The following EPB41L4A variants were observed in gnomAD, a reference collection of about 807,000 sequenced individuals.
The protein encoded by EPB41L4A is erythrocyte membrane protein band 4.1 like 4A, also known as band 4.1-like protein 4A.
Under a neutral mutation model 108.6 loss-of-function variants are expected in EPB41L4A, and 100 were observed. That is an observed-to-expected ratio of 0.92 (90% CI 0.78 to 1.09). The LOEUF is 1.09. Among genes scored for constraint, EPB41L4A ranks in the 50% least tolerant of loss-of-function variants. EPB41L4A has a pLI of 0.00. For missense variants in EPB41L4A, 1,030 were observed against 842.7 expected, an observed-to-expected ratio of 1.22 and a Z score of -2.75; for synonymous variants, 319 against 289.0, an observed-to-expected ratio of 1.10 and a Z score of -1.05.
intron 1 of EPB41L4A, among the ~76,000 whole-genome samples, chr5:112,405,296 A>G (rs925140754): frequency 5.9e-5 from 9 of 152,340 alleles, no homozygotes; most frequent in Middle Eastern, 3.4e-3. Flanking sequence ...CACCATCTCC[A>G]GATGACTGAC....
chr5:112,372,480 T>C (rs1386761577), intron 1 of EPB41L4A, among the ~76,000 whole-genome samples: 2 of 152,190 alleles, frequency 1.3e-5, no homozygotes, highest in Non-Finnish European at 2.9e-5. Context: ...CGGAAGGCTC[T>C]GTCTGAGAAG....
intron 17 of EPB41L4A, among the ~76,000 whole-genome samples, chr5:112,192,969 G>T (rs918356729): frequency 1.3e-5 from 2 of 152,168 alleles, no homozygotes; most frequent in African/African-American, 4.8e-5. Flanking sequence ...CAGAAATACT[G>T]AATTTTTTAT....
At chr5:112,375,501 G>A (rs375494100) in intron 1 of EPB41L4A, among the ~76,000 whole-genome samples, 2 of 151,738 alleles carry the variant, frequency 1.3e-5, no homozygotes, top group East Asian at 3.9e-4. Flanking sequence ...AATGAGAAAA[G>A]GCAACAGATT....
At position 112,166,132 on chromosome 5, in the gene EPB41L4A, T is replaced by G. The variant is rs1416177636; in HGVS notation, c.1933-1014A>C. Among the ~76,000 whole-genome samples the G allele has an allele frequency of 7.2e-5, 11 of 152,236 alleles. No individual in the cohort carries two copies. The East Asian group carries it at 2.1e-3, about 29-fold the overall frequency. On this transcript the variant is annotated intron_variant, in intron 22 of 22. Coordinates refer to ENST00000261486, the MANE Select transcript of EPB41L4A (RefSeq NM_022140.5). ...TTGAATCTGTCCACTCTGCAGACCTTAAGAAATTAAGTTGCTATTCTTCCC... is the reference window on the plus strand; with the variant it reads ...TTGAATCTGTCCACTCTGCAGACCTGAAGAAATTAAGTTGCTATTCTTCCC...
intron 12 of EPB41L4A, among the ~76,000 whole-genome samples, chr5:112,226,000 G>A (rs1191230002): frequency 6.6e-6 from 1 of 152,198 alleles, no homozygotes; most frequent in Non-Finnish European, 1.5e-5. Context: ...GTAATGCTCA[G>A]CGATCATTAG....
At chr5:112,233,301 A>C (rs903950350) in intron 12 of EPB41L4A, among the ~76,000 whole-genome samples, 1 of 152,240 alleles carries the variant, frequency 6.6e-6, no homozygotes, top group Non-Finnish European at 1.5e-5. Context: ...CACAAAGTCA[A>C]ACAGAAGTTT....
At chr5:112,300,620 G>A (rs753349672) in intron 2 of EPB41L4A, among the ~76,000 whole-genome samples, 13 of 152,098 alleles carry the variant, frequency 8.5e-5, no homozygotes, top group Non-Finnish European at 1.5e-5. Context: ...TGATGACAAT[G>A]TGCCTAGGTA....
At chr5:112,413,341 C>T (rs1200948196) in intron 1 of EPB41L4A, among the ~76,000 whole-genome samples, 1 of 152,216 alleles carries the variant, frequency 6.6e-6, no homozygotes, top group South Asian at 2.1e-4. Context: ...AGTATCTTGA[C>T]AACAGATTTT....
intron 1 of EPB41L4A, among the ~76,000 whole-genome samples, chr5:112,321,091 T>A (rs185860005): frequency 2.6e-5 from 4 of 152,156 alleles, no homozygotes; most frequent in African/African-American, 7.2e-5. Context: ...AGGAAATTCA[T>A]AATTATGAGC....
exon 14 of EPB41L4A, chr5:112,143,272 A>T (rs1759131025): frequency 6.6e-6 from 1 of 152,182 alleles, no homozygotes; most frequent in African/African-American, 2.4e-5. Context: ...TAGCAAACTG[A>T]TACAGGTACT....
intron 1 of EPB41L4A, among the ~76,000 whole-genome samples, chr5:112,361,719 T>A (rs200662415): frequency 0.038 from 4,402 of 115,320 alleles, 176 homozygotes; most frequent in African/African-American, 0.099. Flanking sequence ...AAAATAATAA[T>A]AATAATAATA....
intron 1 of EPB41L4A, among the ~76,000 whole-genome samples, chr5:112,391,437 C>T (rs905801733): frequency 6.6e-6 from 1 of 152,074 alleles, no homozygotes; most frequent in African/African-American, 2.4e-5. Context: ...GACGCATGTA[C>T]AAGCTTCAGT....
chr5:112,279,584 TTA>T (rs1311632765), intron 3 of EPB41L4A, among the ~76,000 whole-genome samples: 1 of 152,180 alleles, frequency 6.6e-6, no homozygotes, highest in Non-Finnish European at 1.5e-5. Context: ...AGGATCCATT[TTA>T]TATGTTATGT....
intron 1 of EPB41L4A, among the ~76,000 whole-genome samples, chr5:112,320,637 G>C (rs1369615511): frequency 6.6e-6 from 1 of 152,156 alleles, no homozygotes; most frequent in African/African-American, 2.4e-5. Context: ...GAGGTTGAAG[G>C]GGAGTATGGA....
chr5:112,328,801 G>C (rs1312946905), intron 1 of EPB41L4A, among the ~76,000 whole-genome samples: 1 of 152,170 alleles, frequency 6.6e-6, no homozygotes, highest in Non-Finnish European at 1.5e-5. Context: ...TGATACATTA[G>C]AATGAAACAC....
chr5:112,320,659 A>G (rs1246945277), intron 1 of EPB41L4A, among the ~76,000 whole-genome samples: 13 of 152,174 alleles, frequency 8.5e-5, no homozygotes, highest in Admixed American at 2.0e-4. Flanking sequence ...AAAACAAGCT[A>G]CTTTCTCATT....
intron 12 of EPB41L4A, among the ~76,000 whole-genome samples, chr5:112,217,312 T>G (rs1415207259): frequency 1.3e-5 from 2 of 152,200 alleles, no homozygotes; most frequent in Non-Finnish European, 2.9e-5. Context: ...TATTAAAACA[T>G]AATTTGGAAA....
At position 112,171,002 on chromosome 5, in the gene EPB41L4A, G is replaced by C. The variant is rs759067663; in HGVS notation, c.1623-10C>G. The stretch of plus-strand genomic sequence containing the variant: ...GATATCGGGGCTTCTCCTATAAATA[G>C]AGAAAACAACATTCATCTCTGCAAA... On this transcript the variant is annotated splice_polypyrimidine_tract_variant and intron_variant, in intron 18 of 22. Coordinates refer to ENST00000261486, the MANE Select transcript of EPB41L4A (RefSeq NM_022140.5). 3 of 1,611,568 alleles carry C rather than the reference G, an allele frequency of 1.9e-6. No individual in the cohort carries two copies. The Admixed American group carries it at 5.0e-5, about 27-fold the overall frequency.
chr5:112,273,580 C>T (rs1180910293), intron 4 of EPB41L4A, among the ~76,000 whole-genome samples: 2 of 152,144 alleles, frequency 1.3e-5, no homozygotes, highest in Non-Finnish European at 2.9e-5. Context: ...AAACATAGTA[C>T]GAGACACGGA....
Sources: allele counts gnomAD v4.1 joint callset (sites outside exome capture counted in the v4.1 genomes callset), GRCh38; gene constraint gnomAD v4.1.1; transcripts MANE v1.5; gene names NCBI Gene and HGNC (gene_info 2026-07-23, HGNC 2026-07-21).